Variants in PGBD5 observed in about 807,000 individuals in gnomAD.
PGBD5 encodes piggyBac transposable element-derived protein 5.
A neutral mutation model predicts 47.9 loss-of-function variants in PGBD5; 14 were observed. The observed-to-expected ratio is 0.29, with a 90% CI of 0.19 to 0.46. PGBD5 has a LOEUF of 0.46. Among genes scored for constraint, PGBD5 ranks in the 20% least tolerant of loss-of-function variants. PGBD5 has a pLI of 1.00. For synonymous variants in PGBD5, 316 were observed against 306.3 expected, an observed-to-expected ratio of 1.03 and a Z score of -0.33; for missense variants, 635 against 716.0, an observed-to-expected ratio of 0.89 and a Z score of 1.29.
chr1:230,357,504 T>C lies in PGBD5; in HGVS notation c.332-183A>G, dbSNP rs539884072. On this transcript the variant is annotated intron_variant, in intron 1 of 6. Coordinates refer to ENST00000391860, the MANE Select transcript of PGBD5 (RefSeq NM_001258311.2). This position sits in a 1 kb window ranked among gnomAD's most constrained non-coding sequence, Gnocchi z 5.7. ...AACCACCTGACAGTGCCGGCTCCCATAGCTTTTGTACGCCCCTTTGCTCCA... is the reference window on the plus strand; with the variant it reads ...AACCACCTGACAGTGCCGGCTCCCACAGCTTTTGTACGCCCCTTTGCTCCA... Among the ~76,000 whole-genome samples, 8 of 152,168 alleles carry C rather than the reference T, an allele frequency of 5.3e-5. No homozygotes were observed. Among genetic ancestry groups the C allele is most frequent in the East Asian group, 1.9e-4 (1 of 5,190 alleles).
intron 1 of PGBD5, among the ~76,000 whole-genome samples, chr1:230,401,221 C>T (rs1391098631): frequency 1.3e-5 from 2 of 152,222 alleles, no homozygotes; most frequent in Admixed American, 6.5e-5. Flanking sequence ...TCACCGGCTC[C>T]CTTGGGTCAC....
At chr1:230,415,404 G>A (rs562151097) in intron 1 of PGBD5, among the ~76,000 whole-genome samples, 1 of 152,222 alleles carries the variant, frequency 6.6e-6, no homozygotes, top group East Asian at 1.9e-4. Context: ...TTGTAACCCT[G>A]TTTCTCAAAC....
Position 230,348,781 on chromosome 1 carries a change from C to T in PGBD5, c.894+2177G>A, listed in dbSNP as rs530964463. 1.7e-4 allele frequency among the ~76,000 whole-genome samples: 25 copies of T among 149,878 alleles called. No individual in the cohort carries two copies. In the South Asian group the frequency reaches 5.5e-3, roughly 33 times the overall value. ...AGGCACCTTCAGTTGGACCTAGGAA[C>T]AAAGAGAGGGACTGCGGGGGCTGAG... On this transcript the variant is annotated intron_variant, in intron 3 of 6. Transcript: ENST00000391860.
chr1:230,319,380 A>G lies in PGBD5; in HGVS notation c.*4045T>C, dbSNP rs1667000218. ...CCCAAGGTCACCTTTCTCCCCCATC[A>G]GTGTCGTTGACTTGTTCTCGCCCCA... is the stretch of plus-strand genomic sequence containing the variant. On this transcript the variant is annotated 3_prime_UTR_variant, in exon 7 of 7. Coordinates refer to ENST00000391860, the MANE Select transcript of PGBD5 (RefSeq NM_001258311.2). 1.3e-5 allele frequency: 2 copies of G among 152,252 alleles called. No homozygotes were observed. The highest frequency in any genetic ancestry group is 4.1e-4 in the South Asian group (2 of 4,834). 9.4% of individuals were successfully genotyped at this position (152,252 alleles called of 1,614,324 possible). A position where few individuals can be genotyped will look rare whatever the true frequency, so the allele number is the denominator to read the frequency against.
At chr1:230,328,669 C>G (rs1667162401) in intron 5 of PGBD5, among the ~76,000 whole-genome samples, 1 of 152,206 alleles carries the variant, frequency 6.6e-6, no homozygotes, top group Non-Finnish European at 1.5e-5. Context: ...TCTTCCCATT[C>G]TAACAGTTGT....
chr1:230,410,997 G>C (rs571854549), intron 1 of PGBD5, among the ~76,000 whole-genome samples: 1 of 152,086 alleles, frequency 6.6e-6, no homozygotes. Flanking sequence ...AGAGAGGCCA[G>C]GTACAGTGGC....
intron 3 of PGBD5, among the ~76,000 whole-genome samples, chr1:230,338,755 G>A (rs758126314): frequency 3.9e-5 from 6 of 152,080 alleles, no homozygotes; most frequent in African/African-American, 7.2e-5. Context: ...AGCTGAGATC[G>A]TGCCATTGCA....
rs138474332 is a variant in PGBD5 at position 230,370,839 on chromosome 1, T to C, written c.332-13518A>G. On this transcript the variant is annotated intron_variant, in intron 1 of 6. Coordinates refer to ENST00000391860, the MANE Select transcript of PGBD5 (RefSeq NM_001258311.2). ...AATGGCACGGAAAGCCAAGAGCCCC[T>C]TTGGTGTTCACCTCTCGAAGCTGCC... is the stretch of plus-strand genomic sequence containing the variant. 2.4e-3 allele frequency among the ~76,000 whole-genome samples: 360 copies of C among 152,332 alleles called. 1 individual carries two copies. Among genetic ancestry groups the C allele is most frequent in the African/African-American group, 8.1e-3 (336 of 41,584 alleles).
chr1:230,322,541 G>A lies in PGBD5; in HGVS notation c.*884C>T, dbSNP rs41305544. ...CTTAGGGCCCGCGGGCTCCCCATGCGCCTCGTGGAGAGCAACCACGTCTGT... is the reference window on the plus strand; with the variant it reads ...CTTAGGGCCCGCGGGCTCCCCATGCACCTCGTGGAGAGCAACCACGTCTGT... On this transcript the variant is annotated 3_prime_UTR_variant, in exon 7 of 7. Transcript: ENST00000391860. The surrounding 1 kb of genome is among the most constrained non-coding windows in gnomAD (Gnocchi z 5.9). 753 of 152,768 alleles carry A rather than the reference G, an allele frequency of 4.9e-3. 4 individuals carry two copies. The highest frequency in any genetic ancestry group is 0.017 in the South Asian group (81 of 4,826). 9.5% of individuals were successfully genotyped at this position (152,768 alleles called of 1,614,324 possible).
At chr1:230,337,005 G>A (rs984102632) in intron 4 of PGBD5, 103 bp downstream of exon 4, 69 of 1,308,470 alleles carry the variant, frequency 5.3e-5, no homozygotes, top group Non-Finnish European at 7.0e-5. Context: ...GCATCCTGTG[G>A]TTTGTGGTGG....
Position 230,409,969 on chromosome 1 carries a change from T to C in PGBD5, c.331+15629A>G, listed in dbSNP as rs151171913. Among the ~76,000 whole-genome samples, 42 of 152,302 alleles carry C rather than the reference T, an allele frequency of 2.8e-4. 1 individual carries two copies. The highest frequency in any genetic ancestry group is 9.9e-4 in the African/African-American group (41 of 41,574). ...TGTTATTACTTTAAATGTGTACATA[T>C]TGATTTATCCAACTAAAGGGCCTAT... On this transcript the variant is annotated intron_variant, in intron 1 of 6. Transcript: ENST00000391860.
At chr1:230,337,563 A>C (rs1340879592) in intron 3 of PGBD5, among the ~76,000 whole-genome samples, 1 of 152,222 alleles carries the variant, frequency 6.6e-6, no homozygotes, top group Non-Finnish European at 1.5e-5. Flanking sequence ...GGATGGTGCA[A>C]ATACATTCCC....
At chr1:230,324,498 C>T (rs908378487) in intron 6 of PGBD5, among the ~76,000 whole-genome samples, 3 of 152,196 alleles carry the variant, frequency 2.0e-5, no homozygotes, top group Non-Finnish European at 2.9e-5. Flanking sequence ...CTACCTTTCA[C>T]ACACAGGCTG....
chr1:230,425,694 C>G lies in PGBD5; in HGVS notation c.235G>C (p.Ala79Pro), dbSNP rs1411385136. The G allele has an allele frequency of 8.2e-7, 1 of 1,216,208 alleles. No individual in the cohort carries two copies. Among genetic ancestry groups the G allele is most frequent in the East Asian group, 3.3e-5 (1 of 30,278 alleles). The allele number at this position is 1,216,208 out of a possible 1,614,324, so 75.3% of individuals were successfully genotyped here. A position where few individuals can be genotyped will look rare whatever the true frequency, so the allele number is the denominator to read the frequency against. Residue 79 changes from alanine (A) to proline (P), a missense_variant, in exon 1 of 7, where the codon GCC becomes CCC. Ala to Pro is a conservative substitution (Grantham distance 27). Coordinates refer to ENST00000391860, the MANE Select transcript of PGBD5 (RefSeq NM_001258311.2). This position sits in a 1 kb window ranked among gnomAD's most constrained non-coding sequence, Gnocchi z 4.7. ...TCCTCCGGCTCCTGTGCGTCCGGGG[C>G]GCGGGGCGGTGGCGGGGCGGCCCCT... is the stretch of plus-strand genomic sequence containing the variant. ...PPGAAPPPPR[A>P]PDAQEPEEDE...
chr1:230,335,766 T>TGCACACGCACACATAGACACAA (rs1558192727), intron 4 of PGBD5, among the ~76,000 whole-genome samples: 1 of 316 alleles, frequency 3.2e-3, no homozygotes, highest in Non-Finnish European at 7.2e-3. Context: ...GATACACAGA[T>TGCACACGCACACATAGACACAA]ACAGACAGAC....
rs1182324096 is a variant in PGBD5, at chr1:230,323,634, G to C, written c.1380-14C>G. On this transcript the variant is annotated splice_polypyrimidine_tract_variant and intron_variant, in intron 6 of 6. Coordinates refer to ENST00000391860, the MANE Select transcript of PGBD5 (RefSeq NM_001258311.2). The surrounding 1 kb of genome is among the most constrained non-coding windows in gnomAD (Gnocchi z 4.1). ...GAAATGAAATACCTGAGGACAGAGG[G>C]AATAAGAACGGCTGACCCGATGGTT... The C allele has an allele frequency of 6.2e-7, 1 of 1,607,764 alleles. No individual in the cohort carries two copies. Among genetic ancestry groups the C allele is most frequent in the African/African-American group, 1.3e-5 (1 of 74,808 alleles).
chr1:230,327,398 G>C (rs1473881482), intron 5 of PGBD5, among the ~76,000 whole-genome samples: 15 of 152,162 alleles, frequency 9.9e-5, no homozygotes, highest in Admixed American at 9.2e-4. Context: ...GGGTCGCGCA[G>C]ATCTGCTTAC....
At chr1:230,394,589 G>A (rs1656877161) in intron 1 of PGBD5, among the ~76,000 whole-genome samples, 1 of 104,094 alleles carries the variant, frequency 9.6e-6, no homozygotes, top group Non-Finnish European at 1.8e-5. Context: ...TCCTCTCCTT[G>A]TGCTCCTCTC....
At chr1:230,375,652 CTTTTTT>C (rs199545872) in intron 1 of PGBD5, among the ~76,000 whole-genome samples, 2 of 105,660 alleles carry the variant, frequency 1.9e-5, no homozygotes, top group African/African-American at 4.5e-5. Context: ...TCCTATTTGA[CTTTTTT>C]TTTTTTTTTT....
Sources: gnomAD v4.1 joint callset for allele counts (sites outside exome capture counted in the v4.1 genomes callset) on GRCh38, gnomAD v4.1.1 for gene constraint, Gnocchi (gnomAD v3.1) non-coding constraint, MANE v1.5 for transcripts, NCBI Gene and HGNC (gene_info 2026-07-23, HGNC 2026-07-21) for gene names.